PTK2: variants seen among roughly 807,000 people sequenced by gnomAD.
PTK2 encodes the protein protein tyrosine kinase 2.
PTK2 carries 45 observed loss-of-function variants against 150.1 expected under a neutral mutation model. The ratio of observed to expected loss-of-function variants is 0.30; its 90% CI spans 0.24 to 0.38. The LOEUF (loss-of-function observed/expected upper bound fraction) is 0.38, where lower values mean the gene tolerates loss of function less well. Among genes scored for constraint, PTK2 ranks in the 10% least tolerant of loss-of-function variants. The probability of loss-of-function intolerance (pLI) is 1.00; values close to 1 mark genes in which losing one functional copy is unlikely to be tolerated. For synonymous variants in PTK2, 432 were observed against 449.2 expected, an observed-to-expected ratio of 0.96 and a Z score of 0.48; for missense variants, 919 against 1,307.3, an observed-to-expected ratio of 0.70 and a Z score of 4.58.
intron 26 of PTK2, among the ~76,000 whole-genome samples, chr8:140,692,200 T>G (rs1014972303): frequency 2.0e-5 from 3 of 152,242 alleles, no homozygotes; most frequent in Admixed American, 6.5e-5. Flanking sequence ...CTACTTGTGT[T>G]CTGTGAATGA....
At chr8:140,928,832 A>G (rs972430196) in intron 1 of PTK2, among the ~76,000 whole-genome samples, 30 of 152,262 alleles carry the variant, frequency 2.0e-4, no homozygotes, top group African/African-American at 5.8e-4. Flanking sequence ...TAGTTTCAAG[A>G]TGAAAAAAAT....
chr8:140,909,369 C>G (rs62521903), intron 2 of PTK2, among the ~76,000 whole-genome samples: 32,737 of 152,116 alleles, frequency 0.22, 4,030 homozygotes, highest in Admixed American at 0.34. Context: ...GAGTAAGACC[C>G]TATAGATTAC....
At chr8:140,708,150 A>G (rs1447006365) in intron 23 of PTK2, among the ~76,000 whole-genome samples, 1 of 152,236 alleles carries the variant, frequency 6.6e-6, no homozygotes, top group African/African-American at 2.4e-5. Flanking sequence ...AATTAAGTAC[A>G]GAATAAAAGG....
intron 3 of PTK2, among the ~76,000 whole-genome samples, chr8:140,887,005 G>C (rs1166773771): frequency 6.6e-6 from 1 of 152,174 alleles, no homozygotes; most frequent in African/African-American, 2.4e-5. Context: ...CTTATCTCTA[G>C]AGCTGCCTGA....
chr8:140,701,052 A>G (rs373956314), intron 25 of PTK2, 30 bp from the exon 29 acceptor site: 5 of 1,603,452 alleles, frequency 3.1e-6, no homozygotes, highest in South Asian at 1.1e-5. Context: ...CAGCATATTC[A>G]GTCTCATAAG....
chr8:140,722,796 T>C (rs973277040), intron 22 of PTK2, among the ~76,000 whole-genome samples: 3 of 152,130 alleles, frequency 2.0e-5, no homozygotes, highest in Admixed American at 6.5e-5. Flanking sequence ...AAAAAGTCCA[T>C]AAAAATCAAG....
intron 1 of PTK2, among the ~76,000 whole-genome samples, chr8:140,941,542 TA>T (rs1015056835): frequency 7.2e-5 from 11 of 152,230 alleles, no homozygotes; most frequent in African/African-American, 2.7e-4. Context: ...GCTCATCATT[TA>T]AAATAAACTG....
rs1191789514 is a variant in PTK2, at chr8:140,830,543, A to T, written c.594-17T>A. On this transcript the variant is annotated splice_polypyrimidine_tract_variant and intron_variant, in intron 7 of 31. Coordinates refer to ENST00000522684, the Ensembl canonical transcript of PTK2. The stretch of plus-strand genomic sequence containing the variant: ...ACATCTTTTCTGAAATATAAAAAGA[A>T]GCGTATTAACAAATAACACCACCAA... 1 of 1,447,392 alleles carries T rather than the reference A, an allele frequency of 6.9e-7. No homozygotes were observed. The highest frequency in any genetic ancestry group is 9.4e-7 in the Non-Finnish European group (1 of 1,060,794). The allele number at this position is 1,447,392 out of a possible 1,614,324, so 89.7% of individuals were successfully genotyped here.
At chr8:140,839,160 G>A (rs928845748) in intron 7 of PTK2, among the ~76,000 whole-genome samples, 1 of 152,104 alleles carries the variant, frequency 6.6e-6, no homozygotes, top group Non-Finnish European at 1.5e-5. Context: ...CACAAAGCAC[G>A]ACAGGCAGAA....
chr8:140,794,737 A>G (rs182423685), intron 12 of PTK2, among the ~76,000 whole-genome samples: 2 of 152,280 alleles, frequency 1.3e-5, no homozygotes, highest in East Asian at 3.9e-4. Context: ...TGAAGATTAG[A>G]GAACCCAGTG....
chr8:140,955,965 G>C (rs1036860018), intron 1 of PTK2, among the ~76,000 whole-genome samples: 4 of 152,160 alleles, frequency 2.6e-5, no homozygotes, highest in African/African-American at 9.7e-5. Flanking sequence ...TCTGGAAAAG[G>C]AGAGCATCCT....
At chr8:140,846,137 TTTCCTC>T in intron 7 of PTK2, 117 bp downstream of exon 7, 1 of 710,338 alleles carries the variant, frequency 1.4e-6, no homozygotes, top group East Asian at 2.8e-5. Context: ...ATTCTGTCCT[TTTCCTC>T]TTCTGGATAT....
At chr8:140,740,211 A>G (rs2100054921) in intron 20 of PTK2, among the ~76,000 whole-genome samples, 1 of 152,234 alleles carries the variant, frequency 6.6e-6, no homozygotes, top group Non-Finnish European at 1.5e-5. Context: ...TGCTCATTCT[A>G]AAAGGCAGAC....
intron 7 of PTK2, among the ~76,000 whole-genome samples, chr8:140,833,843 A>G (rs1009326730): frequency 8.5e-5 from 13 of 152,254 alleles, no homozygotes; most frequent in Non-Finnish European, 1.9e-4. Context: ...GCCAAACCCC[A>G]ATTCCCAAAC....
chr8:140,911,824 T>C (rs566756214), intron 2 of PTK2, among the ~76,000 whole-genome samples: 1 of 152,326 alleles, frequency 6.6e-6, no homozygotes, highest in African/African-American at 2.4e-5. Context: ...AGAACACCAG[T>C]ACCTTGATAA....
chr8:140,914,278 C>T (rs1200062197), intron 2 of PTK2, among the ~76,000 whole-genome samples: 2 of 151,868 alleles, frequency 1.3e-5, no homozygotes, highest in Non-Finnish European at 2.9e-5. Context: ...TAACTGAAAA[C>T]TGTTAAAAAA....
chr8:140,750,818 G>C (rs1788258203), intron 17 of PTK2, among the ~76,000 whole-genome samples: 1 of 152,216 alleles, frequency 6.6e-6, no homozygotes, highest in Non-Finnish European at 1.5e-5. Flanking sequence ...GGGCACAGTG[G>C]CTCACGCCTG....
intron 1 of PTK2, among the ~76,000 whole-genome samples, chr8:140,931,576 A>T (rs939424087): frequency 3.0e-4 from 45 of 152,244 alleles, no homozygotes; most frequent in East Asian, 9.6e-4. Flanking sequence ...TTTAAAAAAA[A>T]TTTTTAAATA....
At chr8:140,989,822 C>G (rs1249992613) in intron 1 of PTK2, among the ~76,000 whole-genome samples, 1 of 151,192 alleles carries the variant, frequency 6.6e-6, no homozygotes, top group African/African-American at 2.4e-5. Context: ...GCAGGAGAAT[C>G]GCTTGAACCC....
Sources: allele counts gnomAD v4.1 joint callset (sites outside exome capture counted in the v4.1 genomes callset), GRCh38; gene constraint gnomAD v4.1.1; transcripts MANE v1.5; gene names NCBI Gene and HGNC (gene_info 2026-07-23, HGNC 2026-07-21).